Variants in MTRF1 observed in about 807,000 individuals in gnomAD.
MTRF1 encodes the protein mitochondrial translation release factor 1.
Under a neutral mutation model 62.9 loss-of-function variants are expected in MTRF1, and 51 were observed. That is an observed-to-expected ratio of 0.81 (90% CI 0.65 to 1.02). The LOEUF is 1.02. Ranked by LOEUF, MTRF1 falls within the 50% of genes least tolerant of loss-of-function variation. MTRF1 has a pLI of 0.00. For missense variants in MTRF1, 446 were observed against 530.0 expected, an observed-to-expected ratio of 0.84 and a Z score of 1.56; for synonymous variants, 158 against 181.9, an observed-to-expected ratio of 0.87 and a Z score of 1.06.
At chr13:41,265,486 A>T (rs549609542), upstream of MTRF1, among the ~76,000 whole-genome samples, 4 of 152,228 alleles carry the variant, frequency 2.6e-5, no homozygotes, top group South Asian at 8.3e-4. Flanking sequence ...TCATGTGCAT[A>T]TTACTAATAT....
the MTRF1 span, among the ~76,000 whole-genome samples, chr13:41,304,612 A>G: frequency 2.0e-5 from 3 of 152,260 alleles, no homozygotes; most frequent in Non-Finnish European, 4.4e-5. Context: ...GGTACATGCC[A>G]GAGAACAAAG....
At chr13:41,304,689 A>G in the MTRF1 span, among the ~76,000 whole-genome samples, 1 of 152,350 alleles carries the variant, frequency 6.6e-6, no homozygotes. Context: ...ATGTAGATGA[A>G]GGATGCAAAC....
intron 9 of MTRF1, among the ~76,000 whole-genome samples, chr13:41,221,313 TG>T (rs935046259): frequency 6.6e-6 from 1 of 151,880 alleles, no homozygotes; most frequent in Non-Finnish European, 1.5e-5. Context: ...CCCACCACCA[TG>T]CCCGGCTAAT....
In MTRF1 at chr13:41,223,246, G is replaced by A; in HGVS notation, c.1224+10C>T. On this transcript the variant is annotated intron_variant, in intron 9 of 9. Coordinates refer to ENST00000379480, the MANE Select transcript of MTRF1 (RefSeq NM_004294.4). ...ATCAAAGGTAGGCAAAGCATACTCA[G>A]TAGTATTACCTTAATATCACGAACT... 6.3e-7 allele frequency: 1 copy of A among 1,584,520 alleles called. No homozygotes were observed. Among genetic ancestry groups the A allele is most frequent in the Non-Finnish European group, 8.7e-7 (1 of 1,155,088 alleles).
intron 9 of MTRF1, among the ~76,000 whole-genome samples, chr13:41,218,123 T>C (rs771993331): frequency 6.6e-5 from 10 of 152,064 alleles, no homozygotes; most frequent in Non-Finnish European, 1.3e-4. Context: ...GATTGACTAA[T>C]CTTTTTTTTT....
chr13:41,266,441 A>C (rs1429887807), upstream of MTRF1, among the ~76,000 whole-genome samples: 2 of 151,840 alleles, frequency 1.3e-5, no homozygotes, highest in Admixed American at 6.6e-5. Flanking sequence ...GTGAAACCCT[A>C]TCTCTGCTAA....
chr13:41,275,694 T>G, the MTRF1 span, among the ~76,000 whole-genome samples: 3 of 151,868 alleles, frequency 2.0e-5, no homozygotes, highest in African/African-American at 7.3e-5. Context: ...GGTTTCACCA[T>G]GTTGGCCAGG....
At chr13:41,260,415 A>G in intron 2 of MTRF1, 78 bp downstream of exon 2, 1 of 1,253,690 alleles carries the variant, frequency 8.0e-7, no homozygotes, top group South Asian at 1.5e-5. Flanking sequence ...TCAAATCTGT[A>G]CTTACACACA....
At chr13:41,278,654 T>C in the MTRF1 span, among the ~76,000 whole-genome samples, 1 of 152,198 alleles carries the variant, frequency 6.6e-6, no homozygotes, top group Non-Finnish European at 1.5e-5. Flanking sequence ...AGCCACTGCA[T>C]TGGTCTAGAT....
At chr13:41,273,283 G>A in the MTRF1 span, among the ~76,000 whole-genome samples, 309 of 148,486 alleles carry the variant, frequency 2.1e-3, 1 homozygote, top group East Asian at 0.021. Context: ...CCGAGATCGC[G>A]CCACTGCACT....
At chr13:41,271,879 C>CT in the MTRF1 span, among the ~76,000 whole-genome samples, 2 of 152,032 alleles carry the variant, frequency 1.3e-5, no homozygotes, top group African/African-American at 4.8e-5. Context: ...TTGAGATCAA[C>CT]TTGAGGAGAA....
At position 41,216,870 on chromosome 13, in the gene MTRF1, C is replaced by A; in HGVS notation, c.*245G>T. On this transcript the variant is annotated 3_prime_UTR_variant, in exon 10 of 10. Coordinates refer to ENST00000379480, the MANE Select transcript of MTRF1 (RefSeq NM_004294.4). ...TAAATGACACAATCAATTCTCAATA[C>A]TTTCTCTTTTCAATGATGCATGCTT... 1 of 250,458 alleles carries A rather than the reference C, an allele frequency of 4.0e-6. No homozygotes were observed. Among genetic ancestry groups the A allele is most frequent in the East Asian group, 7.9e-5 (1 of 12,662 alleles). The allele number at this position is 250,458 out of a possible 1,614,324, so 15.5% of individuals were successfully genotyped here. A position where few individuals can be genotyped will look rare whatever the true frequency, so the allele number is the denominator to read the frequency against.
chr13:41,308,623 C>T, the MTRF1 span, among the ~76,000 whole-genome samples: 1 of 152,168 alleles, frequency 6.6e-6, no homozygotes, highest in East Asian at 1.9e-4. Flanking sequence ...AAGGCAAGCT[C>T]CTAAAGCATC....
chr13:41,242,802 G>T (rs1424576802), intron 5 of MTRF1, among the ~76,000 whole-genome samples: 1 of 152,118 alleles, frequency 6.6e-6, no homozygotes, highest in Non-Finnish European at 1.5e-5. Context: ...TAAAAAAAAT[G>T]GCTGGGCGCA....
rs762333603 is a variant in MTRF1 at position 41,233,935 on chromosome 13, C to T, written c.943G>A (p.Val315Ile). ...FRAKGAGGQH[V>I]NKTDSAVRLV... ...CTGACGGCACTATCAGTTTTATTAACATGCTGCCCTCCTGCTCCTTTGGCT... is the reference window on the plus strand; with the variant it reads ...CTGACGGCACTATCAGTTTTATTAATATGCTGCCCTCCTGCTCCTTTGGCT... The change falls in exon 7 of 10, where the codon GTT becomes ATT. Residue 315 changes from valine (V) to isoleucine (I), a missense_variant. By Grantham distance (29) the Val-to-Ile change is conservative. Transcript: ENST00000379480. 6.2e-7 allele frequency: 1 copy of T among 1,614,146 alleles called. No individual in the cohort carries two copies. Among genetic ancestry groups the T allele is most frequent in the Non-Finnish European group, 8.5e-7 (1 of 1,180,008 alleles).
chr13:41,269,197 TG>T, the MTRF1 span, among the ~76,000 whole-genome samples: 6 of 116,892 alleles, frequency 5.1e-5, no homozygotes, highest in African/African-American at 1.6e-4. Context: ...TTTTTTTTTT[TG>T]GTTTTTTTTT....
chr13:41,230,254 T>A (rs1203957204), intron 7 of MTRF1, among the ~76,000 whole-genome samples: 2 of 152,142 alleles, frequency 1.3e-5, no homozygotes, highest in African/African-American at 2.4e-5. Flanking sequence ...CTTTTGCTCA[T>A]GCATATATTC....
the MTRF1 span, among the ~76,000 whole-genome samples, chr13:41,298,377 G>A: frequency 6.6e-6 from 1 of 152,128 alleles, no homozygotes; most frequent in Non-Finnish European, 1.5e-5. Flanking sequence ...ATTTTGGTAA[G>A]TTAGCACTAT....
At chr13:41,306,672 G>A in the MTRF1 span, among the ~76,000 whole-genome samples, 1 of 152,182 alleles carries the variant, frequency 6.6e-6, no homozygotes, top group Non-Finnish European at 1.5e-5. Context: ...TATTACATAT[G>A]TAAAAAGGGC....
Sources: allele counts gnomAD v4.1 joint callset (sites outside exome capture counted in the v4.1 genomes callset), GRCh38; gene constraint gnomAD v4.1.1; transcripts MANE v1.5; gene names NCBI Gene and HGNC (gene_info 2026-07-23, HGNC 2026-07-21).